Variants in GKAP1 observed in about 807,000 individuals in gnomAD.
GKAP1 encodes G kinase-anchoring protein 1.
In GKAP1, 31 loss-of-function variants were observed where a neutral mutation model predicts 56.7. The ratio of observed to expected loss-of-function variants is 0.55; its 90% CI spans 0.41 to 0.74. The LOEUF (loss-of-function observed/expected upper bound fraction) is 0.74. GKAP1 is among the 30% of genes least tolerant of loss of function. The pLI is 0.00. For synonymous variants in GKAP1, 151 were observed against 138.6 expected (o/e 1.09, Z -0.63); for missense variants, 364 against 402.3 (o/e 0.90, Z 0.82).
chr9:83,804,262 C>T (rs1587739150), intron 3 of GKAP1, among the ~76,000 whole-genome samples: 1 of 147,552 alleles, frequency 6.8e-6, no homozygotes, highest in South Asian at 2.2e-4. Flanking sequence ...GGGCTCAGCC[C>T]CCCGCCCGGC....
chr9:83,814,129 G>T (rs1944549691), intron 2 of GKAP1, among the ~76,000 whole-genome samples: 2 of 152,138 alleles, frequency 1.3e-5, no homozygotes, highest in South Asian at 2.1e-4. Context: ...AAAGATGGCA[G>T]CAATGTCAAA....
intron 2 of GKAP1, among the ~76,000 whole-genome samples, chr9:83,810,638 G>A (rs1341736179): frequency 3.3e-5 from 5 of 152,156 alleles, no homozygotes; most frequent in Non-Finnish European, 7.3e-5. Context: ...CAAGACCACT[G>A]ACCTGGAGCC....
At chr9:83,758,963 C>A (rs1438985733) in intron 8 of GKAP1, among the ~76,000 whole-genome samples, 1 of 152,054 alleles carries the variant, frequency 6.6e-6, no homozygotes, top group African/African-American at 2.4e-5. Flanking sequence ...ATCCTCTTTT[C>A]TCTCCTTTAC....
At chr9:83,804,390 G>A (rs1680987877) in intron 3 of GKAP1, among the ~76,000 whole-genome samples, 1 of 142,408 alleles carries the variant, frequency 7.0e-6, no homozygotes, top group African/African-American at 2.6e-5. Flanking sequence ...CGTCCGGGAG[G>A]GAGGTGGGGG....
intron 3 of GKAP1, among the ~76,000 whole-genome samples, chr9:83,800,691 G>A (rs1398134058): frequency 6.6e-6 from 1 of 152,106 alleles, no homozygotes; most frequent in East Asian, 1.9e-4. Flanking sequence ...CATACATAGT[G>A]AACTGTAACC....
rs1944643474 is a variant in GKAP1 at position 83,817,604 on chromosome 9, G to A, written c.-263C>T. On this transcript the variant is annotated 5_prime_UTR_variant, in exon 1 of 13. Transcript: ENST00000376371. ...GCGGCTCCCCGGGCGGCCGCACTGG[G>A]CGTTGGGACTGGTCTGGGTCAAGTG... 1 of 151,666 alleles carries A rather than the reference G, an allele frequency of 6.6e-6. No individual in the cohort carries two copies. Among genetic ancestry groups the A allele is most frequent in the African/African-American group, 2.4e-5 (1 of 41,312 alleles). The allele number at this position is 151,666 out of a possible 1,614,324, so 9.4% of individuals were successfully genotyped here.
chr9:83,787,695 A>G (rs1944088483), intron 5 of GKAP1, among the ~76,000 whole-genome samples: 1 of 152,370 alleles, frequency 6.6e-6, no homozygotes, highest in South Asian at 2.1e-4. Flanking sequence ...GTTAAATGAT[A>G]TTAACGTAAT....
At position 83,811,150 on chromosome 9, in the gene GKAP1, G is replaced by A. The variant is rs140209732; in HGVS notation, c.-43-4590C>T. ...ATTAGACTGAAATGTGCCATGAGGC[G>A]CTATGAGGCATAGGAGAATTGGTAC... On this transcript the variant is annotated intron_variant, in intron 2 of 12. Coordinates refer to ENST00000376371, the MANE Select transcript of GKAP1 (RefSeq NM_025211.4). 1.1e-4 allele frequency among the ~76,000 whole-genome samples: 17 copies of A among 152,296 alleles called. No individual in the cohort carries two copies. In the East Asian group the frequency reaches 2.7e-3, roughly 24 times the overall value.
chr9:83,769,312 C>T (rs1007779315), intron 7 of GKAP1, among the ~76,000 whole-genome samples: 3 of 152,140 alleles, frequency 2.0e-5, no homozygotes, highest in African/African-American at 7.2e-5. Context: ...CAGAGTTGTA[C>T]AACCATCACC....
intron 3 of GKAP1, among the ~76,000 whole-genome samples, chr9:83,804,724 G>C (rs543336202): frequency 6.7e-6 from 1 of 148,322 alleles, no homozygotes. Context: ...AGGGAGGTGG[G>C]GTCAGCCCCC....
At chr9:83,786,979 C>CAGGATT (rs1445172645) in intron 5 of GKAP1, among the ~76,000 whole-genome samples, 1 of 152,148 alleles carries the variant, frequency 6.6e-6, no homozygotes, top group African/African-American at 2.4e-5. Flanking sequence ...TTGAGCAAGA[C>CAGGATT]AGGATTACTT....
chr9:83,741,358 TCTCACACACACACA>T (rs113909662), intron 12 of GKAP1, among the ~76,000 whole-genome samples: 9 of 147,710 alleles, frequency 6.1e-5, no homozygotes, highest in East Asian at 2.1e-4. Flanking sequence ...TAAATATATC[TCTCACACACACACA>T]CACACACACA....
intron 8 of GKAP1, among the ~76,000 whole-genome samples, chr9:83,766,494 A>G (rs1943665951): frequency 6.6e-6 from 1 of 152,258 alleles, no homozygotes; most frequent in Non-Finnish European, 1.5e-5. Context: ...TAGATTTTCC[A>G]TAAGAAACAG....
chr9:83,816,400 C>T (rs565615193), intron 2 of GKAP1, among the ~76,000 whole-genome samples: 5 of 152,310 alleles, frequency 3.3e-5, no homozygotes, highest in East Asian at 3.9e-4. Context: ...CAAGCAGGTA[C>T]TCAGTGAGGA....
At chr9:83,748,212 A>G in intron 10 of GKAP1, 97 bp downstream of exon 10, 1 of 742,512 alleles carries the variant, frequency 1.3e-6, no homozygotes, top group Non-Finnish European at 2.3e-6. Context: ...GTGCTATCAA[A>G]CACTTTTGTT....
At chr9:83,772,084 C>A (rs954594544) in intron 7 of GKAP1, among the ~76,000 whole-genome samples, 28 of 151,788 alleles carry the variant, frequency 1.8e-4, no homozygotes, top group African/African-American at 6.5e-4. Context: ...CTACTACATC[C>A]CACACACACC....
intron 8 of GKAP1, among the ~76,000 whole-genome samples, chr9:83,757,847 A>G (rs967345429): frequency 3.3e-5 from 5 of 150,816 alleles, no homozygotes; most frequent in Admixed American, 6.6e-5. Flanking sequence ...AGAAAAGTGA[A>G]AAAAAAAAAG....
At chr9:83,740,242 T>TA (rs1943183754) in intron 12 of GKAP1, among the ~76,000 whole-genome samples, 1 of 152,294 alleles carries the variant, frequency 6.6e-6, no homozygotes, top group South Asian at 2.1e-4. Context: ...TCATATTGCT[T>TA]AGTTGCATAT....
intron 7 of GKAP1, among the ~76,000 whole-genome samples, chr9:83,770,012 G>A (rs1943730233): frequency 6.6e-6 from 1 of 152,172 alleles, no homozygotes. Context: ...TCTTTTTGGA[G>A]AAATGTCTTC....
Sources: gnomAD v4.1 joint callset for allele counts (sites outside exome capture counted in the v4.1 genomes callset) on GRCh38, gnomAD v4.1.1 for gene constraint, MANE v1.5 for transcripts, NCBI Gene and HGNC (gene_info 2026-07-23, HGNC 2026-07-21) for gene names.